HMGB1: variants seen among roughly 807,000 people sequenced by gnomAD.
The protein encoded by HMGB1 is high mobility group protein B1.
For synonymous variants in HMGB1, 81 were observed against 84.0 expected, an observed-to-expected ratio of 0.96 and a Z score of 0.19; for missense variants, 79 against 253.5, an observed-to-expected ratio of 0.31 and a Z score of 4.67.
At chr13:30,570,869 T>C (rs185701124) in intron 1 of HMGB1, among the ~76,000 whole-genome samples, 1 of 152,346 alleles carries the variant, frequency 6.6e-6, no homozygotes, top group African/African-American at 2.4e-5. Context: ...CTGGGGGAGT[T>C]CTAATTTCAT....
In HMGB1 at chr13:30,559,530, G is replaced by A. The variant is rs1869855850; in HGVS notation, c.-15+57141C>T. On this transcript the variant is annotated intron_variant, in intron 1 of 4. Transcript: ENST00000405805. The surrounding 1 kb of genome is among the most constrained non-coding windows in gnomAD (Gnocchi z 6.6). ...GCAATATGGCATATTGCAAAGTAGTGTTCAGAGATGTGCGTGTAGTAGGCT... is the reference window on the plus strand; with the variant it reads ...GCAATATGGCATATTGCAAAGTAGTATTCAGAGATGTGCGTGTAGTAGGCT... 6.6e-6 allele frequency among the ~76,000 whole-genome samples: 1 copy of A among 152,180 alleles called. No individual in the cohort carries two copies. Among genetic ancestry groups the A allele is most frequent in the African/African-American group, 2.4e-5 (1 of 41,440 alleles).
At chr13:30,484,530 T>G (rs1162717674) in intron 1 of HMGB1, among the ~76,000 whole-genome samples, 1 of 152,180 alleles carries the variant, frequency 6.6e-6, no homozygotes, top group African/African-American at 2.4e-5. Context: ...GGGACTGGGA[T>G]GGGTATAAGA....
chr13:30,478,223 G>A (rs972497160), intron 1 of HMGB1, among the ~76,000 whole-genome samples: 9 of 152,216 alleles, frequency 5.9e-5, no homozygotes, highest in Non-Finnish European at 1.3e-4. Context: ...TGTATTCCCA[G>A]TACTTTGGGA....
chr13:30,617,572 T>C (rs1421972757), exon 1 of HMGB1: 1 of 152,226 alleles, frequency 6.6e-6, no homozygotes, highest in African/African-American at 2.4e-5. Context: ...CAGGTCTCTT[T>C]CGTCAGCGTA....
At chr13:30,488,004 A>G (rs906956204) in intron 1 of HMGB1, among the ~76,000 whole-genome samples, 1 of 152,244 alleles carries the variant, frequency 6.6e-6, no homozygotes, top group Non-Finnish European at 1.5e-5. Context: ...ATTTTCAAAC[A>G]AATTCTTTAT....
intron 1 of HMGB1, among the ~76,000 whole-genome samples, chr13:30,605,427 T>C (rs1480677017): frequency 6.6e-6 from 1 of 152,164 alleles, no homozygotes; most frequent in Non-Finnish European, 1.5e-5. Context: ...CATCAAAAGA[T>C]ACTAAGGAGA....
At chr13:30,538,553 CTTTTTCTTTCTTCTT>C (rs1566018867) in intron 1 of HMGB1, among the ~76,000 whole-genome samples, 21 of 69,710 alleles carry the variant, frequency 3.0e-4, no homozygotes, top group African/African-American at 7.5e-4. Flanking sequence ...TTCTTTCTTT[CTTTTTCTTTCTTCTT>C]TTTCTTTCTT....
At chr13:30,569,332 T>G (rs1870327637) in intron 1 of HMGB1, among the ~76,000 whole-genome samples, 1 of 152,222 alleles carries the variant, frequency 6.6e-6, no homozygotes, top group South Asian at 2.1e-4. Flanking sequence ...TGTTTCTCAT[T>G]CCATAACTAG....
chr13:30,565,000 T>A (rs2137528597), intron 1 of HMGB1, among the ~76,000 whole-genome samples: 1 of 152,350 alleles, frequency 6.6e-6, no homozygotes, highest in Non-Finnish European at 1.5e-5. Context: ...ATGAAGTACA[T>A]AGTCCTGGCT....
intron 1 of HMGB1, among the ~76,000 whole-genome samples, chr13:30,507,707 C>T (rs77012789): frequency 0.013 from 2,012 of 152,286 alleles, 34 homozygotes; most frequent in African/African-American, 0.046. Flanking sequence ...GACATCCCTA[C>T]GCACCCATCA....
chr13:30,553,508 TA>T (rs1869529242), intron 1 of HMGB1, among the ~76,000 whole-genome samples: 1 of 152,234 alleles, frequency 6.6e-6, no homozygotes, highest in African/African-American at 2.4e-5. Context: ...AATGACTTCA[TA>T]GGGGTATGGT....
intron 1 of HMGB1, among the ~76,000 whole-genome samples, chr13:30,520,445 C>A (rs1025426945): frequency 6.6e-6 from 1 of 151,948 alleles, no homozygotes; most frequent in Non-Finnish European, 1.5e-5. Context: ...CATGGTGAAA[C>A]CCTGTTTCCA....
At position 30,458,314 on chromosome 13, in the gene HMGB1, C is replaced by A. The variant is rs886317153; in HGVS notation, c.*3043G>T. 6.8e-6 allele frequency: 1 copy of A among 148,110 alleles called. No individual in the cohort carries two copies. The highest frequency in any genetic ancestry group is 2.5e-5 in the African/African-American group (1 of 40,006). The allele number at this position is 148,110 out of a possible 1,614,324, so 9.2% of individuals were successfully genotyped here. A position where few individuals can be genotyped will look rare whatever the true frequency, so the allele number is the denominator to read the frequency against. Reference sequence around the variant, plus strand: ...AGTACCCATGTATTTCATTCAAAAACCAGTTGTCTCTCCTGTGTTTTTTTT... The same window carrying A: ...AGTACCCATGTATTTCATTCAAAAAACAGTTGTCTCTCCTGTGTTTTTTTT... On this transcript the variant is annotated 3_prime_UTR_variant, in exon 5 of 5. Coordinates refer to ENST00000341423, the MANE Select transcript of HMGB1 (RefSeq NM_002128.7).
At chr13:30,514,961 T>A (rs1373924806) in intron 1 of HMGB1, among the ~76,000 whole-genome samples, 1 of 152,106 alleles carries the variant, frequency 6.6e-6, no homozygotes, top group East Asian at 1.9e-4. Flanking sequence ...ATGACGAGAG[T>A]TGACTCCCAT....
chr13:30,602,247 G>A, intron 1 of HMGB1, among the ~76,000 whole-genome samples: 1 of 152,102 alleles, frequency 6.6e-6, no homozygotes. Context: ...TGTCATCGGG[G>A]ACACCAGCCC....
At chr13:30,556,641 T>C (rs190053983) in intron 1 of HMGB1, among the ~76,000 whole-genome samples, 17 of 152,180 alleles carry the variant, frequency 1.1e-4, no homozygotes, top group Admixed American at 5.9e-4. Context: ...TTATTTTAAG[T>C]GAAAAAAGCC....
At chr13:30,547,573 T>C (rs1007622001) in intron 1 of HMGB1, among the ~76,000 whole-genome samples, 2 of 152,180 alleles carry the variant, frequency 1.3e-5, no homozygotes, top group African/African-American at 2.4e-5. Flanking sequence ...TAGAGCATTA[T>C]GTTGTCTGTC....
intron 1 of HMGB1, among the ~76,000 whole-genome samples, chr13:30,519,191 A>G (rs1293326256): frequency 1.3e-5 from 2 of 150,512 alleles, no homozygotes; most frequent in Admixed American, 6.6e-5. Context: ...CTAGCAGTTC[A>G]AGACCAGCCT....
chr13:30,457,950 T>C lies in HMGB1; in HGVS notation c.*3407A>G, dbSNP rs547412211. On this transcript the variant is annotated 3_prime_UTR_variant, in exon 5 of 5. Coordinates refer to ENST00000341423, the MANE Select transcript of HMGB1 (RefSeq NM_002128.7). Reference sequence around the variant, plus strand: ...GGCTTTTATCTACTTTTAAAATACATTTCAAGGGTCATTTGAAAATGACAC... The same window carrying C: ...GGCTTTTATCTACTTTTAAAATACACTTCAAGGGTCATTTGAAAATGACAC... 5.3e-5 allele frequency: 8 copies of C among 152,296 alleles called. No homozygotes were observed. Among genetic ancestry groups the C allele is most frequent in the African/African-American group, 1.7e-4 (7 of 41,560 alleles). 9.4% of individuals were successfully genotyped at this position (152,296 alleles called of 1,614,324 possible).
Sources: gnomAD v4.1 joint callset for allele counts (sites outside exome capture counted in the v4.1 genomes callset) on GRCh38, gnomAD v4.1.1 for gene constraint, Gnocchi (gnomAD v3.1) non-coding constraint, MANE v1.5 for transcripts, NCBI Gene and HGNC (gene_info 2026-07-23, HGNC 2026-07-21) for gene names.